The following SHISA9 variants were observed in gnomAD, a reference collection of about 807,000 sequenced individuals.
SHISA9 encodes protein shisa-9.
A neutral mutation model predicts 38.0 loss-of-function variants in SHISA9; 13 were observed. The observed-to-expected ratio is 0.34, with a 90% CI of 0.22 to 0.54. The LOEUF is 0.54. SHISA9 is among the 20% of genes least tolerant of loss of function. SHISA9 has a pLI of 0.91. For missense variants in SHISA9, 538 were observed against 575.8 expected (o/e 0.93, Z 0.67); for synonymous variants, 275 against 242.0 (o/e 1.14, Z -1.27).
intron 2 of SHISA9, among the ~76,000 whole-genome samples, chr16:12,990,956 A>G (rs962833505): frequency 1.3e-5 from 2 of 152,218 alleles, no homozygotes; most frequent in Non-Finnish European, 1.5e-5. Flanking sequence ...TTGAAACACA[A>G]TATCAAATAG....
intron 2 of SHISA9, among the ~76,000 whole-genome samples, chr16:13,065,199 A>C (rs1323626575): frequency 6.6e-6 from 1 of 152,002 alleles, no homozygotes. Flanking sequence ...CTTGTTTTGC[A>C]TCCTTGGCAA....
chr16:12,902,145 G>A lies in SHISA9; in HGVS notation c.81G>A (p.Ala27=). The A allele has an allele frequency of 2.0e-6, 3 of 1,516,590 alleles. No homozygotes were observed. Among genetic ancestry groups the A allele is most frequent in the Non-Finnish European group, 2.6e-6 (3 of 1,139,594 alleles). 93.9% of individuals were successfully genotyped at this position (1,516,590 alleles called of 1,614,324 possible). A position where few individuals can be genotyped will look rare whatever the true frequency, so the allele number is the denominator to read the frequency against. The change falls in exon 1 of 5, where the codon GCG becomes GCA. Residue 27 remains alanine, a synonymous_variant. Transcript: ENST00000558583. ...GCGTGTGCCGGGCGCAGGAGCGAGC[G>A]GGACACGGGCAGCTGGCGCAACTGG... ...CARVCRAQER[A]GHGQLAQLGG...
chr16:13,345,746 G>A, the SHISA9 span, among the ~76,000 whole-genome samples: 3 of 151,854 alleles, frequency 2.0e-5, no homozygotes, highest in Non-Finnish European at 2.9e-5. Context: ...TTTTCTCCAC[G>A]ACCTCACCAG....
chr16:13,510,989 C>T, the SHISA9 span, among the ~76,000 whole-genome samples: 1 of 152,198 alleles, frequency 6.6e-6, no homozygotes, highest in African/African-American at 2.4e-5. Flanking sequence ...ATTACCATTT[C>T]TCCAGGCACA....
the SHISA9 span, among the ~76,000 whole-genome samples, chr16:13,550,558 G>A: frequency 1.3e-5 from 2 of 152,148 alleles, no homozygotes; most frequent in Non-Finnish European, 2.9e-5. Flanking sequence ...GCAGTTTGTT[G>A]GAATGTAAAT....
chr16:13,218,336 A>G (rs537078149), intron 4 of SHISA9, among the ~76,000 whole-genome samples: 40 of 152,218 alleles, frequency 2.6e-4, no homozygotes, highest in Non-Finnish European at 4.9e-4. Context: ...GGTGATTCTT[A>G]TGTACATTAG....
chr16:13,093,383 G>GATTGA (rs1470233980), intron 2 of SHISA9, among the ~76,000 whole-genome samples: 1 of 152,188 alleles, frequency 6.6e-6, no homozygotes, highest in Admixed American at 6.5e-5. Flanking sequence ...TATAAAGTGG[G>GATTGA]ATTGATGATA....
At chr16:13,180,130 G>A (rs1043430761) in intron 2 of SHISA9, among the ~76,000 whole-genome samples, 8 of 152,204 alleles carry the variant, frequency 5.3e-5, no homozygotes, top group African/African-American at 1.9e-4. Context: ...AATGTACGTG[G>A]AACATTTGTT....
chr16:13,305,433 A>G, the SHISA9 span, among the ~76,000 whole-genome samples: 193 of 152,312 alleles, frequency 1.3e-3, no homozygotes, highest in African/African-American at 4.0e-3. Context: ...TAATAAACAT[A>G]ATGCAGGAAA....
intron 2 of SHISA9, among the ~76,000 whole-genome samples, chr16:13,025,076 T>A (rs1297722842): frequency 2.6e-5 from 4 of 152,180 alleles, no homozygotes; most frequent in African/African-American, 9.7e-5. Context: ...TGGATTTTTT[T>A]CTGAATCTCT....
the SHISA9 span, among the ~76,000 whole-genome samples, chr16:13,497,685 C>CAAAAAAAAAAAAAAAAAAAAA: frequency 1.9e-5 from 2 of 106,366 alleles, no homozygotes; most frequent in African/African-American, 3.6e-5. Context: ...ACTCCGTCTC[C>CAAAAAAAAAAAAAAAAAAAAA]AAAAAAAAAA....
the SHISA9 span, among the ~76,000 whole-genome samples, chr16:13,336,288 G>A: frequency 2.6e-5 from 4 of 152,284 alleles, no homozygotes; most frequent in South Asian, 8.3e-4. Context: ...GTGCCAAATA[G>A]CCAGTCAAGA....
At chr16:13,267,535 T>C in the SHISA9 span, among the ~76,000 whole-genome samples, 1 of 152,174 alleles carries the variant, frequency 6.6e-6, no homozygotes, top group Non-Finnish European at 1.5e-5. Flanking sequence ...TCAACAATTC[T>C]ACCTCCAAGA....
At chr16:13,147,442 C>T (rs1215703571) in intron 2 of SHISA9, among the ~76,000 whole-genome samples, 1 of 123,532 alleles carries the variant, frequency 8.1e-6, no homozygotes, top group African/African-American at 3.0e-5. Flanking sequence ...TTCATTCTTA[C>T]AAAAAAGTGT....
chr16:13,056,212 C>A (rs536906289), intron 2 of SHISA9, among the ~76,000 whole-genome samples: 2 of 152,268 alleles, frequency 1.3e-5, no homozygotes, highest in East Asian at 3.9e-4. Flanking sequence ...AGCAGGAGAA[C>A]AGAGGAAGCA....
the SHISA9 span, among the ~76,000 whole-genome samples, chr16:13,304,750 G>C: frequency 6.6e-6 from 1 of 152,214 alleles, no homozygotes; most frequent in African/African-American, 2.4e-5. Flanking sequence ...CTGATTCGTA[G>C]TGAGGTTAAG....
the SHISA9 span, among the ~76,000 whole-genome samples, chr16:13,491,467 G>A: frequency 2.3e-4 from 34 of 149,888 alleles, no homozygotes; most frequent in East Asian, 1.2e-3. Context: ...TTGAGATTAC[G>A]TAGCTTACTC....
intron 2 of SHISA9, among the ~76,000 whole-genome samples, chr16:13,150,899 C>G (rs573564831): frequency 6.6e-6 from 1 of 152,288 alleles, no homozygotes; most frequent in South Asian, 2.1e-4. Context: ...CCCAAATAAT[C>G]CTTCCCTCAT....
intron 2 of SHISA9, among the ~76,000 whole-genome samples, chr16:12,939,376 G>A (rs954184632): frequency 3.3e-5 from 5 of 152,158 alleles, no homozygotes; most frequent in Admixed American, 6.5e-5. Flanking sequence ...GAGTCACTGC[G>A]CCTGGCCAGG....
Sources: allele counts gnomAD v4.1 joint callset (sites outside exome capture counted in the v4.1 genomes callset), GRCh38; gene constraint gnomAD v4.1.1; transcripts MANE v1.5; gene names NCBI Gene and HGNC (gene_info 2026-07-23, HGNC 2026-07-21).